GABRA5: variants seen among roughly 807,000 people sequenced by gnomAD.
GABRA5 encodes the protein gamma-aminobutyric acid receptor subunit alpha-5.
Under a neutral mutation model 47.3 loss-of-function variants are expected in GABRA5, and 18 were observed. That is an observed-to-expected ratio of 0.38 (90% CI 0.26 to 0.56). GABRA5 has a LOEUF of 0.56. Among genes scored for constraint, GABRA5 ranks in the 20% least tolerant of loss-of-function variants. The pLI, the probability that GABRA5 is intolerant of heterozygous loss-of-function variation, is 0.71. For missense variants in GABRA5, 365 were observed against 599.3 expected, an observed-to-expected ratio of 0.61 and a Z score of 4.08; for synonymous variants, 237 against 229.3, an observed-to-expected ratio of 1.03 and a Z score of -0.30.
chr15:26,906,198 G>T (rs1167079746), intron 6 of GABRA5, among the ~76,000 whole-genome samples: 2 of 151,914 alleles, frequency 1.3e-5, no homozygotes, highest in African/African-American at 4.8e-5. Context: ...AGCTAATATT[G>T]TGAAATCTGT....
intron 6 of GABRA5, among the ~76,000 whole-genome samples, chr15:26,908,144 G>C (rs1029569962): frequency 3.9e-5 from 6 of 152,130 alleles, no homozygotes; most frequent in Non-Finnish European, 5.9e-5. Context: ...ATGTATTTCA[G>C]TTCTTTTTAA....
chr15:26,893,414 T>TATAGTACGGTG (rs1893082499), intron 6 of GABRA5, among the ~76,000 whole-genome samples: 11 of 5,518 alleles, frequency 2.0e-3, no homozygotes, highest in East Asian at 4.8e-3. Context: ...GTTGTGTGTG[T>TATAGTACGGTG]TGTGTGTGTA....
At chr15:26,943,525 C>A in intron 10 of GABRA5, 99 bp downstream of exon 10, 1 of 1,066,810 alleles carries the variant, frequency 9.4e-7, no homozygotes, top group Non-Finnish European at 1.4e-6. Flanking sequence ...CCTTCCTACC[C>A]GCCAGCCCCC....
In GABRA5 at chr15:26,890,593, C is replaced by G. The variant is rs572760474; in HGVS notation, c.497+7036C>G. Among the ~76,000 whole-genome samples, 7 of 152,252 alleles carry G rather than the reference C, an allele frequency of 4.6e-5. No homozygotes were observed. The East Asian group carries it at 1.4e-3, about 29-fold the overall frequency. On this transcript the variant is annotated intron_variant, in intron 6 of 10. Transcript: ENST00000335625. Reference sequence around the variant, plus strand: ...CGATCTCCCTGTAGGCACGCAGCCACACCATCCTTCATGTCCTCAGTCACT... The same window carrying G: ...CGATCTCCCTGTAGGCACGCAGCCAGACCATCCTTCATGTCCTCAGTCACT...
intron 6 of GABRA5, among the ~76,000 whole-genome samples, chr15:26,892,576 TTGAA>T (rs1893035395): frequency 1.3e-5 from 2 of 152,384 alleles, no homozygotes; most frequent in South Asian, 2.1e-4. Flanking sequence ...TTTTAGAAGT[TTGAA>T]TGATCAAATA....
chr15:26,885,118 A>G (rs143319736), intron 6 of GABRA5, among the ~76,000 whole-genome samples: 83 of 152,090 alleles, frequency 5.5e-4, no homozygotes, highest in African/African-American at 1.9e-3. Context: ...AACTTGGTGA[A>G]ACCCCGTCTC....
intron 3 of GABRA5, among the ~76,000 whole-genome samples, chr15:26,873,365 C>T (rs1892517560): frequency 1.3e-5 from 2 of 151,542 alleles, no homozygotes; most frequent in African/African-American, 4.9e-5. Context: ...ATTTTATTGT[C>T]TTAAATATAT....
chr15:26,939,936 A>G lies in GABRA5; in HGVS notation c.736A>G (p.Ile246Val), dbSNP rs752440270. ...NISTSTGEYT[I>V]MTAHFHLKRK... ...TTGCTTATTTGCAGGCGAATACACA[A>G]TCATGACAGCTCACTTCCACCTGAA... Residue 246 changes from isoleucine (I) to valine (V), a missense_variant, in exon 9 of 11, where the codon ATC becomes GTC. Ile to Val is a conservative substitution (Grantham distance 29, BLOSUM62 3). Transcript: ENST00000335625. 12 of 1,613,862 alleles carry G rather than the reference A, an allele frequency of 7.4e-6. No homozygotes were observed. Among genetic ancestry groups the G allele is most frequent in the Non-Finnish European group, 1.0e-5 (12 of 1,179,902 alleles).
In GABRA5 at chr15:26,883,286, C is replaced by G. The variant is rs991796988; in HGVS notation, c.277-51C>G. 1 of 1,611,116 alleles carries G rather than the reference C, an allele frequency of 6.2e-7. No homozygotes were observed. Among genetic ancestry groups the G allele is most frequent in the African/African-American group, 1.3e-5 (1 of 74,984 alleles). On this transcript the variant is annotated intron_variant, in intron 5 of 10. Transcript: ENST00000335625. This position sits in a 1 kb window ranked among gnomAD's most constrained non-coding sequence, Gnocchi z 4.8. ...CAATTCTTACTCCGCGCCGCAGGCCCCCGCCCAGGCCCCGTGCCCTCTGAC... is the reference window on the plus strand; with the variant it reads ...CAATTCTTACTCCGCGCCGCAGGCCGCCGCCCAGGCCCCGTGCCCTCTGAC...
At chr15:26,881,439 T>TA (rs1252143308) in intron 4 of GABRA5, among the ~76,000 whole-genome samples, 46 of 152,218 alleles carry the variant, frequency 3.0e-4, no homozygotes, top group African/African-American at 1.1e-3. Context: ...GTTATGCATT[T>TA]AGTGCTTCAC....
At chr15:26,930,283 C>T (rs907371334) in intron 7 of GABRA5, among the ~76,000 whole-genome samples, 1 of 152,170 alleles carries the variant, frequency 6.6e-6, no homozygotes, top group Non-Finnish European at 1.5e-5. Context: ...GCTGGGATTA[C>T]AGGTGTGAGC....
Position 26,914,848 on chromosome 15 carries a change from G to A in GABRA5, c.543G>A (p.Pro181=), listed in dbSNP as rs754890786. 3 of 1,613,890 alleles carry A rather than the reference G, an allele frequency of 1.9e-6. No homozygotes were observed. Among genetic ancestry groups the A allele is most frequent in the South Asian group, 2.2e-5 (2 of 91,080 alleles). Residue 181 remains proline, a synonymous_variant, in exon 7 of 11, where the codon CCG becomes CCA. Transcript: ENST00000335625. The stretch of plus-strand genomic sequence containing the variant: ...GCCCCATGCAGCTTGAGGACTTCCC[G>A]ATGGATGCGCACGCTTGCCCTCTGA... ...AECPMQLEDF[P]MDAHACPLKF... is the part of the protein sequence containing the mutation.
At chr15:26,870,270 C>A (rs1892432249) in intron 3 of GABRA5, among the ~76,000 whole-genome samples, 1 of 152,214 alleles carries the variant, frequency 6.6e-6, no homozygotes, top group Non-Finnish European at 1.5e-5. Flanking sequence ...AAGACATCCC[C>A]AGGGCCATGA....
chr15:26,899,244 T>A lies in GABRA5; in HGVS notation c.498-15559T>A, dbSNP rs557724745. Among the ~76,000 whole-genome samples the A allele has an allele frequency of 4.8e-4, 73 of 152,368 alleles. 1 individual carries two copies. Among genetic ancestry groups the A allele is most frequent in the Admixed American group, 1.8e-3 (27 of 15,312 alleles). Reference sequence around the variant, plus strand: ...AATGTGTTTAATTTCCACATATTTGTGAAAGTTTCAATTTTCCTTCTGTTA... The same window carrying A: ...AATGTGTTTAATTTCCACATATTTGAGAAAGTTTCAATTTTCCTTCTGTTA... On this transcript the variant is annotated intron_variant, in intron 6 of 10. Coordinates refer to ENST00000335625, the MANE Select transcript of GABRA5 (RefSeq NM_000810.4).
intron 6 of GABRA5, among the ~76,000 whole-genome samples, chr15:26,893,182 GGT>G (rs529958405): frequency 6.8e-4 from 101 of 147,756 alleles, no homozygotes; most frequent in South Asian, 1.5e-3. Flanking sequence ...TGTGGTGTGT[GGT>G]GTGTGTGTGT....
At chr15:26,872,241 T>G (rs1892490276) in intron 3 of GABRA5, among the ~76,000 whole-genome samples, 1 of 152,228 alleles carries the variant, frequency 6.6e-6, no homozygotes, top group Non-Finnish European at 1.5e-5. Flanking sequence ...TACCACAACG[T>G]GGAGCACCTG....
At chr15:26,920,884 C>T (rs924478848) in intron 7 of GABRA5, among the ~76,000 whole-genome samples, 4 of 152,158 alleles carry the variant, frequency 2.6e-5, no homozygotes, top group Non-Finnish European at 4.4e-5. Context: ...TCGGTTCCTC[C>T]GACAGCCCTC....
chr15:26,917,116 G>A (rs145899729), intron 7 of GABRA5, among the ~76,000 whole-genome samples: 2,461 of 152,094 alleles, frequency 0.016, 25 homozygotes, highest in Non-Finnish European at 0.024. Context: ...ACTGAATAGA[G>A]GTGGTAATGG....
chr15:26,936,114 C>G (rs1894236446), intron 7 of GABRA5, among the ~76,000 whole-genome samples: 1 of 152,192 alleles, frequency 6.6e-6, no homozygotes, highest in Non-Finnish European at 1.5e-5. Context: ...CCTGCTCGCA[C>G]TCATTCTCTC....
Sources: allele counts gnomAD v4.1 joint callset (sites outside exome capture counted in the v4.1 genomes callset), GRCh38; gene constraint gnomAD v4.1.1; non-coding constraint Gnocchi (gnomAD v3.1); transcripts MANE v1.5; gene names NCBI Gene and HGNC (gene_info 2026-07-23, HGNC 2026-07-21).